Variants in ERN1 observed in about 807,000 individuals in gnomAD.
ERN1 encodes serine/threonine-protein kinase/endoribonuclease IRE1.
Under a neutral mutation model 113.1 loss-of-function variants are expected in ERN1, and 39 were observed. That is an observed-to-expected ratio of 0.34 (90% confidence interval 0.27 to 0.45). The LOEUF (loss-of-function observed/expected upper bound fraction) is 0.45. Ranked by LOEUF, ERN1 falls within the 20% of genes least tolerant of loss-of-function variation. The pLI, the probability that ERN1 is intolerant of heterozygous loss-of-function variation, is 1.00. For missense variants in ERN1, 976 were observed against 1,274.8 expected (o/e 0.77, Z 3.57); for synonymous variants, 507 against 515.9 (o/e 0.98, Z 0.23).
intron 1 of ERN1, chr17:64,102,601 A>G (rs1914417024): frequency 1.1e-6 from 1 of 924,046 alleles, no homozygotes; most frequent in Non-Finnish European, 1.3e-6. Context: ...TGTAGTTGCT[A>G]TAGCTAACAT....
intron 10 of ERN1, among the ~76,000 whole-genome samples, chr17:64,061,032 C>T (rs1202879131): frequency 6.6e-6 from 1 of 152,130 alleles, no homozygotes; most frequent in Admixed American, 6.5e-5. Flanking sequence ...AGTTCCAGTC[C>T]TACTATTATC....
At position 64,055,826 on chromosome 17, in the gene ERN1, G is replaced by A. The variant is rs1318347861; in HGVS notation, c.1521C>T (p.Asp507=). The change falls in exon 13 of 22, where the codon GAC becomes GAT. Residue 507 remains aspartate (D), a synonymous_variant. Transcript: ENST00000433197. ...PFHPPGDTAQ[D]GELLDTSGPY... ...GGCCAGACGTGTCCAGGAGCTCGCC[G>A]TCCTGAGCCGTGTCTCCAGGTGGGT... The A allele has an allele frequency of 2.6e-6, 4 of 1,559,656 alleles. No individual in the cohort carries two copies. Among genetic ancestry groups the A allele is most frequent in the East Asian group, 2.4e-5 (1 of 41,716 alleles).
At chr17:64,076,167 T>G (rs1913585167) in intron 4 of ERN1, among the ~76,000 whole-genome samples, 2 of 152,236 alleles carry the variant, frequency 1.3e-5, no homozygotes, top group Non-Finnish European at 2.9e-5. Context: ...ACGAGCTCTT[T>G]TGGTTAATGC....
chr17:64,068,783 T>G (rs988125952), intron 6 of ERN1, among the ~76,000 whole-genome samples: 1 of 152,068 alleles, frequency 6.6e-6, no homozygotes, highest in Admixed American at 6.6e-5. Context: ...GGAAAAGGGG[T>G]GACCCAGCTT....
At chr17:64,126,320 T>C (rs1429202016) in intron 1 of ERN1, among the ~76,000 whole-genome samples, 1 of 152,190 alleles carries the variant, frequency 6.6e-6, no homozygotes, top group Non-Finnish European at 1.5e-5. Flanking sequence ...TGAACCTACA[T>C]ATTACTTTGG....
intron 1 of ERN1, among the ~76,000 whole-genome samples, chr17:64,102,174 T>C (rs2143462094): frequency 6.6e-6 from 1 of 152,190 alleles, no homozygotes; most frequent in Non-Finnish European, 1.5e-5. Flanking sequence ...CAATCCCAGC[T>C]ACTTGGGAGG....
chr17:64,089,818 G>A (rs1914039709), intron 2 of ERN1, among the ~76,000 whole-genome samples: 1 of 152,058 alleles, frequency 6.6e-6, no homozygotes, highest in Admixed American at 6.6e-5. Flanking sequence ...TTTAACCCTG[G>A]CTGACAGGTA....
chr17:64,108,125 T>C (rs1426519381), intron 1 of ERN1, among the ~76,000 whole-genome samples: 3 of 152,040 alleles, frequency 2.0e-5, no homozygotes, highest in African/African-American at 7.2e-5. Context: ...AAGTCTGCCG[T>C]ATGGTGTAAT....
chr17:64,069,031 T>G (rs140362991), intron 6 of ERN1, among the ~76,000 whole-genome samples: 1 of 152,162 alleles, frequency 6.6e-6, no homozygotes, highest in East Asian at 1.9e-4. Context: ...TGGAAAAGAT[T>G]CTCAATATAA....
At chr17:64,102,778 C>A (rs117717718) in intron 1 of ERN1, 1 of 985,170 alleles carries the variant, frequency 1.0e-6, no homozygotes, top group Admixed American at 6.2e-5. Context: ...ACATACCCTA[C>A]GGCACACACA....
At position 64,052,682 on chromosome 17, in the gene ERN1, C is replaced by T. The variant is rs966924841; in HGVS notation, c.2253+98G>A. On this transcript the variant is annotated intron_variant, in intron 17 of 21. Coordinates refer to ENST00000433197, the MANE Select transcript of ERN1 (RefSeq NM_001433.5). ...AAAGGAATGCCATTCTCCAGCTACA[C>T]GGGCACCAGCCCCCAAACCTGGAAT... The T allele has an allele frequency of 4.2e-5, 45 of 1,075,412 alleles. No individual in the cohort carries two copies. The Admixed American group carries it at 5.2e-4, about 12-fold the overall frequency. 66.6% of individuals were successfully genotyped at this position (1,075,412 alleles called of 1,614,324 possible).
rs921102493 is a variant in ERN1, at chr17:64,054,758, A to C, written c.1743T>G (p.Ala581=). 3 of 1,608,702 alleles carry C rather than the reference A, an allele frequency of 1.9e-6. No homozygotes were observed. Among genetic ancestry groups the C allele is most frequent in the Non-Finnish European group, 2.5e-6 (3 of 1,178,036 alleles). ...CTCACCGGTACACAATTGTGCCCTC[A>C]GCTCCATGGCCCAGGACATCCTTGG... The part of the protein sequence containing the change: ...FCPKDVLGHG[A]EGTIVYRGMF... Residue 581 remains alanine, a synonymous_variant, in exon 14 of 22, where the codon GCT becomes GCG. Transcript: ENST00000433197. This position sits in a 1 kb window ranked among gnomAD's most constrained non-coding sequence, Gnocchi z 4.9.
intron 11 of ERN1, 57 bp from the exon 12 acceptor site, chr17:64,058,050 G>C: frequency 1.5e-6 from 2 of 1,332,968 alleles, no homozygotes; most frequent in Middle Eastern, 4.1e-4. Context: ...ATACAGATGA[G>C]GCCAGCAATC....
intron 4 of ERN1, among the ~76,000 whole-genome samples, chr17:64,077,987 C>A (rs994795223): frequency 5.3e-5 from 8 of 152,210 alleles, no homozygotes; most frequent in Non-Finnish European, 4.4e-5. Flanking sequence ...CCCACCTTGG[C>A]CTCCCAAAGT....
At chr17:64,108,264 A>G (rs764949757) in intron 1 of ERN1, among the ~76,000 whole-genome samples, 5 of 151,902 alleles carry the variant, frequency 3.3e-5, no homozygotes, top group African/African-American at 1.2e-4. Flanking sequence ...AGGTATGCTA[A>G]TTTCATAATA....
In ERN1 at chr17:64,044,026, G is replaced by A; in HGVS notation, c.2896C>T (p.Pro966Ser). Residue 966 changes from proline to serine, a missense_variant, in exon 22 of 22, where the codon CCA (proline) becomes TCA (serine). By Grantham distance (74) the Pro-to-Ser change is moderately conservative (BLOSUM62 -1). Coordinates refer to ENST00000433197, the MANE Select transcript of ERN1 (RefSeq NM_001433.5). This position sits in a 1 kb window ranked among gnomAD's most constrained non-coding sequence, Gnocchi z 4.1. ...GGAGTCACTGGGGGCTGGGGCTCTG[G>A]GGGCTCGTGGAAGTAGTAGGGCTGG... Reference protein sequence around the residue: ...LFQPYYFHEPPEPQPPVTPDA... With the variant: ...LFQPYYFHEPSEPQPPVTPDA... The A allele has an allele frequency of 2.5e-6, 4 of 1,613,352 alleles. No individual in the cohort carries two copies. The highest frequency in any genetic ancestry group is 3.4e-6 in the Non-Finnish European group (4 of 1,179,702).
In ERN1 at chr17:64,104,017, T is replaced by C. The variant is rs142737243; in HGVS notation, c.55-5776A>G. On this transcript the variant is annotated intron_variant, in intron 1 of 21. Transcript: ENST00000433197. ...ACTTTGGGAGGCCCAGGCAGGAGGA[T>C]TGCTTGAACCCAGGAGTTTCAGGCC... Among the ~76,000 whole-genome samples, 716 of 152,164 alleles carry C rather than the reference T, an allele frequency of 4.7e-3. 4 individuals carry two copies. The highest frequency in any genetic ancestry group is 0.016 in the African/African-American group (677 of 41,504).
chr17:64,045,410 C>A lies in ERN1; in HGVS notation c.2602G>T (p.Ala868Ser), dbSNP rs1437097697. 1.2e-6 allele frequency: 2 copies of A among 1,613,862 alleles called. No homozygotes were observed. Among genetic ancestry groups the A allele is most frequent in the South Asian group, 2.2e-5 (2 of 91,084 alleles). The change falls in exon 20 of 22, where the codon GCC (alanine) becomes TCC (serine). Residue 868 changes from alanine (A) to serine (S), a missense_variant. By Grantham distance (99) the Ala-to-Ser change is moderately conservative. Around this residue, in one of 5 missense-constraint regions of ERN1, gnomAD observed 297 missense variants for 457.8 expected, o/e 0.65. Transcript: ENST00000433197. Reference protein sequence around the residue: ...IVKQLERGGRAVVKMDWRENI... With the variant: ...IVKQLERGGRSVVKMDWRENI... ...TCCCGCCAGTCCATCTTCACCACGGCTCTCCCGCCTCTCTCTAACTGCTTC... is the reference window on the plus strand; with the variant it reads ...TCCCGCCAGTCCATCTTCACCACGGATCTCCCGCCTCTCTCTAACTGCTTC...
chr17:64,057,080 C>CT (rs930467322), intron 12 of ERN1, among the ~76,000 whole-genome samples: 5 of 152,202 alleles, frequency 3.3e-5, no homozygotes, highest in African/African-American at 9.7e-5. Context: ...GCCACACTGC[C>CT]TTTTTCACAC....
Sources: allele counts gnomAD v4.1 joint callset (sites outside exome capture counted in the v4.1 genomes callset), GRCh38; gene constraint gnomAD v4.1.1; regional missense constraint gnomAD v4.1.1; non-coding constraint Gnocchi (gnomAD v3.1); transcripts MANE v1.5; gene names NCBI Gene and HGNC (gene_info 2026-07-23, HGNC 2026-07-21).